Variants in PAK3 observed in about 807,000 individuals in gnomAD.
PAK3 encodes serine/threonine-protein kinase PAK 3.
In PAK3, 4 loss-of-function variants were observed where a neutral mutation model predicts 41.0. The observed-to-expected ratio is 0.10, with a 90% CI of 0.05 to 0.22. The LOEUF is 0.22. PAK3 is among the 10% of genes least tolerant of loss of function. PAK3 has a pLI of 1.00. For synonymous variants in PAK3, 146 were observed against 139.6 expected (o/e 1.05, Z -0.32); for missense variants, 205 against 409.9 (o/e 0.50, Z 4.32).
chrX:110,946,479 T>A (rs2090622899), intron 1 of PAK3, among the ~76,000 whole-genome samples: 1 of 112,384 alleles, frequency 8.9e-6, no homozygotes, highest in African/African-American at 3.2e-5. Context: ...TATGTAAATG[T>A]GAGATTCCAA....
chrX:110,945,522 GT>G (rs1361891313), intron 1 of PAK3, among the ~76,000 whole-genome samples: 1 of 111,695 alleles, frequency 9.0e-6, no homozygotes, highest in Non-Finnish European at 1.9e-5. Context: ...TCTTAGCAGG[GT>G]TTCCTCTCTC....
intron 7 of PAK3, among the ~76,000 whole-genome samples, chrX:111,150,046 T>C (rs1178414985): frequency 1.8e-5 from 2 of 112,324 alleles, no homozygotes; most frequent in East Asian, 5.6e-4. Context: ...AAATTTCTTC[T>C]ACCAGATACC....
intron 1 of PAK3, among the ~76,000 whole-genome samples, chrX:110,951,156 T>A (rs982107209): frequency 2.7e-5 from 3 of 112,180 alleles, no homozygotes; most frequent in Non-Finnish European, 3.8e-5. Context: ...TTCTGATAAC[T>A]GGGTTCTCCT....
intron 5 of PAK3, among the ~76,000 whole-genome samples, chrX:111,139,609 A>G (rs770397709): frequency 8.9e-6 from 1 of 112,160 alleles, no homozygotes; most frequent in African/African-American, 3.2e-5. Flanking sequence ...TGCCTTTGTT[A>G]TGCTTAGCCC....
At chrX:111,141,638 C>A in intron 5 of PAK3, among the ~76,000 whole-genome samples, 1 of 111,622 alleles carries the variant, frequency 9.0e-6, no homozygotes, top group Non-Finnish European at 1.9e-5. Context: ...AAATAAGTAC[C>A]AACCACTTGA....
At chrX:111,024,176 TC>T (rs1056910710) in intron 1 of PAK3, among the ~76,000 whole-genome samples, 1 of 112,042 alleles carries the variant, frequency 8.9e-6, no homozygotes, top group African/African-American at 3.2e-5. Context: ...CTTGTTTTTG[TC>T]AGGTTTGTCA....
chrX:111,183,017 C>T (rs746634614), intron 11 of PAK3, among the ~76,000 whole-genome samples: 3 of 111,614 alleles, frequency 2.7e-5, no homozygotes, highest in Non-Finnish European at 3.8e-5. Flanking sequence ...CAGGTACAAA[C>T]ATGAGCTTTG....
intron 3 of PAK3, among the ~76,000 whole-genome samples, chrX:111,100,105 C>A (rs982197961): frequency 5.4e-5 from 6 of 110,589 alleles, no homozygotes; most frequent in Non-Finnish European, 1.1e-4. Context: ...ACCCTATAAC[C>A]AAGCCCCTGA....
chrX:111,188,018 G>A (rs1339428653), intron 11 of PAK3, among the ~76,000 whole-genome samples: 1 of 107,617 alleles, frequency 9.3e-6, no homozygotes, highest in Non-Finnish European at 1.9e-5. Context: ...GAGGGGAGGG[G>A]AGGAGAAAGG....
intron 1 of PAK3, among the ~76,000 whole-genome samples, chrX:110,973,782 G>C (rs776804791): frequency 2.7e-5 from 3 of 111,930 alleles, no homozygotes; most frequent in African/African-American, 9.7e-5. Context: ...ATTGGATAAA[G>C]AGTCAAGACC....
chrX:111,139,464 A>G (rs2093840840), intron 5 of PAK3, among the ~76,000 whole-genome samples: 1 of 106,473 alleles, frequency 9.4e-6, no homozygotes, highest in African/African-American at 4.0e-5. Flanking sequence ...GAGGAGGATC[A>G]TAATTTTTTT....
chrX:111,039,210 G>A (rs1282376694), intron 1 of PAK3, among the ~76,000 whole-genome samples: 1 of 112,395 alleles, frequency 8.9e-6, no homozygotes, highest in Non-Finnish European at 1.9e-5. Context: ...TGCTCACAAA[G>A]CAGCTATTAC....
intron 1 of PAK3, among the ~76,000 whole-genome samples, chrX:111,018,592 A>C (rs188021934): frequency 8.9e-6 from 1 of 112,261 alleles, no homozygotes; most frequent in East Asian, 2.8e-4. Flanking sequence ...GATTAAAGAC[A>C]CAAATAAATG....
At chrX:110,959,335 C>T (rs1327132278) in intron 1 of PAK3, among the ~76,000 whole-genome samples, 1 of 112,039 alleles carries the variant, frequency 8.9e-6, no homozygotes, top group East Asian at 2.8e-4. Flanking sequence ...ACTGCCACTA[C>T]CCCAAATGTA....
chrX:111,062,349 G>C (rs904556428), intron 1 of PAK3, among the ~76,000 whole-genome samples: 4 of 111,902 alleles, frequency 3.6e-5, no homozygotes, highest in African/African-American at 6.5e-5. Context: ...AAGATAAGTT[G>C]GTCCTAATTT....
At chrX:111,172,660 C>G (rs1030505973) in intron 10 of PAK3, among the ~76,000 whole-genome samples, 1 of 111,151 alleles carries the variant, frequency 9.0e-6, no homozygotes, top group East Asian at 2.8e-4. Flanking sequence ...CCATCCCTTT[C>G]TTAGATTTTT....
chrX:110,986,131 A>G (rs1189845496), intron 1 of PAK3, among the ~76,000 whole-genome samples: 1 of 112,189 alleles, frequency 8.9e-6, no homozygotes, highest in Non-Finnish European at 1.9e-5. Flanking sequence ...TGATACTGAA[A>G]TCAATAAAAC....
At chrX:110,999,164 A>C (rs967292043) in intron 1 of PAK3, among the ~76,000 whole-genome samples, 1 of 112,012 alleles carries the variant, frequency 8.9e-6, no homozygotes, top group Non-Finnish European at 1.9e-5. Flanking sequence ...GATGCAGGAC[A>C]TGGGTGAGAC....
At chrX:111,165,973 G>T (rs776485433) in intron 10 of PAK3, among the ~76,000 whole-genome samples, 91 of 107,439 alleles carry the variant, frequency 8.5e-4, no homozygotes, top group African/African-American at 2.6e-3. Flanking sequence ...ATTCAGTGGG[G>T]TTTTTTTTTT....
Sources: allele counts gnomAD v4.1 joint callset (sites outside exome capture counted in the v4.1 genomes callset), GRCh38; gene constraint gnomAD v4.1.1; transcripts MANE v1.5; gene names NCBI Gene and HGNC (gene_info 2026-07-23, HGNC 2026-07-21).